PLD5: variants seen among roughly 807,000 people sequenced by gnomAD.
PLD5 encodes the protein inactive phospholipase D5.
In PLD5, 36 loss-of-function variants were observed where a neutral mutation model predicts 61.1. The observed-to-expected ratio is 0.59, with a 90% CI of 0.45 to 0.78. PLD5 has a LOEUF of 0.78. Ranked by LOEUF, PLD5 falls within the 30% of genes least tolerant of loss-of-function variation. PLD5 has a pLI of 0.00. For synonymous variants in PLD5, 243 were observed against 242.8 expected, an observed-to-expected ratio of 1.00 and a Z score of -0.01; for missense variants, 515 against 644.4, an observed-to-expected ratio of 0.80 and a Z score of 2.17.
chr1:242,121,734 A>G (rs533232208), intron 6 of PLD5, among the ~76,000 whole-genome samples: 1 of 152,112 alleles, frequency 6.6e-6, no homozygotes, highest in African/African-American at 2.4e-5. Context: ...AATGTGACAG[A>G]TATACACCAC....
chr1:242,515,464 C>T lies in PLD5; in HGVS notation c.189+8624G>A, dbSNP rs886279306. Reference sequence around the variant, plus strand: ...CTGACCTCAGGTGATCCACCTACCTCGGCCTCCCAAAGTGCTGGGATTACA... The same window carrying T: ...CTGACCTCAGGTGATCCACCTACCTTGGCCTCCCAAAGTGCTGGGATTACA... On this transcript the variant is annotated intron_variant, in intron 1 of 9. Transcript: ENST00000536534. 4.6e-5 allele frequency among the ~76,000 whole-genome samples: 7 copies of T among 152,206 alleles called. No homozygotes were observed. The South Asian group carries it at 1.0e-3, about 22-fold the overall frequency.
At chr1:242,355,826 T>C (rs2149229748) in intron 1 of PLD5, among the ~76,000 whole-genome samples, 1 of 152,286 alleles carries the variant, frequency 6.6e-6, no homozygotes, top group African/African-American at 2.4e-5. Flanking sequence ...CATTTTTTAA[T>C]TTCCCTTTTA....
chr1:242,464,319 T>A (rs6673239), intron 1 of PLD5, among the ~76,000 whole-genome samples: 104,743 of 152,048 alleles, frequency 0.69, 36,830 homozygotes, highest in African/African-American at 0.83. Flanking sequence ...ATCTTTCCAA[T>A]GTCTACTCAA....
intron 1 of PLD5, among the ~76,000 whole-genome samples, chr1:242,435,969 A>C (rs1665976583): frequency 6.6e-6 from 1 of 152,212 alleles, no homozygotes; most frequent in Admixed American, 6.5e-5. Context: ...TCACAAGTGC[A>C]ATGACCTGCA....
chr1:242,196,638 T>G (rs1159121332), intron 5 of PLD5, among the ~76,000 whole-genome samples: 4 of 152,144 alleles, frequency 2.6e-5, no homozygotes, highest in African/African-American at 9.7e-5. Flanking sequence ...AATATATTGA[T>G]TACAATTAAG....
At chr1:242,239,496 T>G (rs1252555743) in intron 4 of PLD5, among the ~76,000 whole-genome samples, 1 of 152,162 alleles carries the variant, frequency 6.6e-6, no homozygotes, top group Admixed American at 6.5e-5. Flanking sequence ...GATCTTTCCT[T>G]TATGTGTGTG....
At chr1:242,187,299 T>C (rs748123413) in intron 5 of PLD5, among the ~76,000 whole-genome samples, 2 of 152,202 alleles carry the variant, frequency 1.3e-5, no homozygotes, top group African/African-American at 2.4e-5. Context: ...CAGCCCCCTT[T>C]TGACCATGAG....
intron 2 of PLD5, among the ~76,000 whole-genome samples, chr1:242,321,362 G>A (rs924489650): frequency 6.6e-6 from 1 of 150,662 alleles, no homozygotes. Context: ...GGAGTACAAT[G>A]GCATGATCTC....
intron 7 of PLD5, among the ~76,000 whole-genome samples, chr1:242,112,479 G>A (rs562226137): frequency 5.9e-5 from 9 of 152,066 alleles, no homozygotes; most frequent in East Asian, 1.9e-4. Context: ...GATTACAGGC[G>A]TGCGCCACCA....
At chr1:242,425,536 A>G (rs1572126134) in intron 1 of PLD5, among the ~76,000 whole-genome samples, 1 of 152,042 alleles carries the variant, frequency 6.6e-6, no homozygotes, top group Admixed American at 6.5e-5. Flanking sequence ...ATATTACTGT[A>G]TACTACTATA....
intron 1 of PLD5, among the ~76,000 whole-genome samples, chr1:242,492,835 A>C (rs1668209801): frequency 6.6e-6 from 1 of 152,166 alleles, no homozygotes; most frequent in Non-Finnish European, 1.5e-5. Flanking sequence ...CTGAGAGAGA[A>C]AATCACCCCT....
chr1:242,204,883 C>T (rs1296495933), intron 5 of PLD5, among the ~76,000 whole-genome samples: 1 of 151,260 alleles, frequency 6.6e-6, no homozygotes, highest in Non-Finnish European at 1.5e-5. Context: ...TAGTAACAGC[C>T]AAAAAAAAGA....
chr1:242,295,915 T>G (rs1021025995), intron 2 of PLD5, among the ~76,000 whole-genome samples: 13 of 152,352 alleles, frequency 8.5e-5, no homozygotes, highest in Middle Eastern at 6.8e-3. Context: ...TTATAAAATA[T>G]GATACTTTCA....
intron 3 of PLD5, among the ~76,000 whole-genome samples, chr1:242,283,458 T>A (rs1387609483): frequency 6.6e-6 from 1 of 152,222 alleles, no homozygotes; most frequent in Admixed American, 6.5e-5. Context: ...TTTATGTATG[T>A]GCCATCTAAG....
At chr1:242,255,593 A>T (rs1227417463) in intron 4 of PLD5, among the ~76,000 whole-genome samples, 6 of 152,248 alleles carry the variant, frequency 3.9e-5, no homozygotes, top group African/African-American at 1.4e-4. Flanking sequence ...AACTTAAAGT[A>T]TAATAAAAAA....
chr1:242,375,534 G>C (rs926525592), intron 1 of PLD5, among the ~76,000 whole-genome samples: 2 of 152,092 alleles, frequency 1.3e-5, no homozygotes, highest in Non-Finnish European at 2.9e-5. Context: ...ACAGCAGCAA[G>C]ACCTTTCGAG....
At chr1:242,417,198 G>GA in intron 1 of PLD5, among the ~76,000 whole-genome samples, 1 of 152,228 alleles carries the variant, frequency 6.6e-6, no homozygotes, top group Non-Finnish European at 1.5e-5. Flanking sequence ...CCAGGCAGAC[G>GA]GAAGAACAAG....
rs11361107 is a variant in PLD5, at chr1:242,404,875, ATTT to A, written c.190-56636_190-56634del. ...CATGCCTCTTATCTGTTCCCTGCTAATTTTTTTTTTTTTTTTTTTTTTGAGATG... is the reference window on the plus strand; with the variant it reads ...CATGCCTCTTATCTGTTCCCTGCTAATTTTTTTTTTTTTTTTTTTGAGATG... On this transcript the variant is annotated intron_variant, in intron 1 of 9. Transcript: ENST00000536534. Among the ~76,000 whole-genome samples the A allele has an allele frequency of 4.9e-4, 37 of 75,402 alleles. 1 individual carries two copies. Among genetic ancestry groups the A allele is most frequent in the African/African-American group, 8.6e-4 (14 of 16,366 alleles). 49.5% of individuals were successfully genotyped at this position (75,402 alleles called of 152,430 possible).
At chr1:242,251,511 G>T (rs982418172) in intron 4 of PLD5, among the ~76,000 whole-genome samples, 2 of 152,180 alleles carry the variant, frequency 1.3e-5, no homozygotes, top group African/African-American at 4.8e-5. Flanking sequence ...ATACCTGGAA[G>T]TCCTCCGGGA....
Sources: gnomAD v4.1 joint callset for allele counts (sites outside exome capture counted in the v4.1 genomes callset) on GRCh38, gnomAD v4.1.1 for gene constraint, MANE v1.5 for transcripts, NCBI Gene and HGNC (gene_info 2026-07-23, HGNC 2026-07-21) for gene names.